The following SH3RF2 variants were observed in gnomAD, a reference collection of about 807,000 sequenced individuals.
SH3RF2 encodes the protein E3 ubiquitin-protein ligase SH3RF2.
Under a neutral mutation model 59.0 loss-of-function variants are expected in SH3RF2, and 43 were observed. The observed-to-expected ratio is 0.73, with a 90% CI of 0.57 to 0.94. SH3RF2 has a LOEUF of 0.94. Ranked by LOEUF, SH3RF2 falls within the 40% of genes least tolerant of loss-of-function variation. The pLI, the probability that SH3RF2 is intolerant of heterozygous loss-of-function variation, is 0.00. For missense variants in SH3RF2, 930 were observed against 940.1 expected, an observed-to-expected ratio of 0.99 and a Z score of 0.14; for synonymous variants, 391 against 391.5, an observed-to-expected ratio of 1.00 and a Z score of 0.01.
At chr5:146,018,895 A>AT (rs57422112) in intron 5 of SH3RF2, among the ~76,000 whole-genome samples, 138,582 of 152,118 alleles carry the variant, frequency 0.91, 64,567 homozygotes, top group East Asian at 1. Context: ...GATATTGAGC[A>AT]TTTTTATATG....
At chr5:145,945,636 C>T (rs1757981013) in intron 2 of SH3RF2, among the ~76,000 whole-genome samples, 1 of 152,024 alleles carries the variant, frequency 6.6e-6, no homozygotes, top group Non-Finnish European at 1.5e-5. Context: ...CAGGATAGGG[C>T]AGGGATATCT....
intron 5 of SH3RF2, among the ~76,000 whole-genome samples, chr5:146,035,409 C>G (rs1009540482): frequency 6.6e-6 from 1 of 151,856 alleles, no homozygotes; most frequent in Non-Finnish European, 1.5e-5. Flanking sequence ...GCCATCTCCC[C>G]TGAAGTGACA....
chr5:146,078,476 C>T (rs910963921), exon 10 of SH3RF2: 34 of 152,358 alleles, frequency 2.2e-4, no homozygotes, highest in African/African-American at 8.2e-4. Context: ...CCTTGGTCAT[C>T]TTCCCAGGAG....
At chr5:145,997,214 G>A (rs1313228660) in intron 2 of SH3RF2, 5 of 861,118 alleles carry the variant, frequency 5.8e-6, no homozygotes, top group Admixed American at 3.5e-5. Flanking sequence ...CACCCTGCTA[G>A]TAGATGGGAA....
intron 2 of SH3RF2, among the ~76,000 whole-genome samples, chr5:145,962,661 G>A (rs915289649): frequency 6.6e-6 from 1 of 151,906 alleles, no homozygotes; most frequent in Non-Finnish European, 1.5e-5. Context: ...TTTGCCTTAG[G>A]CCGTCCTTCT....
chr5:145,987,899 A>T (rs1759775554), intron 2 of SH3RF2, among the ~76,000 whole-genome samples: 1 of 152,220 alleles, frequency 6.6e-6, no homozygotes, highest in South Asian at 2.1e-4. Flanking sequence ...TGTTTATCAC[A>T]TTAATCGTCT....
chr5:146,004,097 T>C lies in SH3RF2; in HGVS notation c.688T>C (p.Trp230Arg). The C allele has an allele frequency of 2.5e-6, 4 of 1,613,238 alleles. No homozygotes were observed. The highest frequency in any genetic ancestry group is 3.4e-6 in the Non-Finnish European group (4 of 1,179,308). ...TGTGATCAGCCGAGTGGATGAGAAC[T>C]GGGCAGAAGGCAAGTTAGGAGATAA... The part of the protein sequence containing the change: ...ITVISRVDEN[W>R]AEGKLGDKVG... Residue 230 changes from tryptophan to arginine, a missense_variant, in exon 4 of 10, where the codon TGG (tryptophan) becomes CGG (arginine). Coordinates refer to ENST00000359120, the MANE Select transcript of SH3RF2 (RefSeq NM_152550.4).
chr5:145,969,760 A>C (rs1375458032), intron 2 of SH3RF2, among the ~76,000 whole-genome samples: 3 of 152,116 alleles, frequency 2.0e-5, no homozygotes, highest in Non-Finnish European at 4.4e-5. Flanking sequence ...AAAGTGTACA[A>C]ACAAATAAAT....
At chr5:146,035,823 A>C (rs1324687780) in intron 5 of SH3RF2, among the ~76,000 whole-genome samples, 2 of 152,146 alleles carry the variant, frequency 1.3e-5, no homozygotes, top group Non-Finnish European at 2.9e-5. Context: ...TGTCTGGGGA[A>C]TGTGAGGGCA....
chr5:145,985,348 A>G (rs1248109102), intron 2 of SH3RF2, among the ~76,000 whole-genome samples: 1 of 152,272 alleles, frequency 6.6e-6, no homozygotes, highest in South Asian at 2.1e-4. Flanking sequence ...TTAATTAAGT[A>G]AACCACTTGA....
chr5:146,046,767 CTT>C (rs56115378), intron 5 of SH3RF2, among the ~76,000 whole-genome samples: 8 of 145,026 alleles, frequency 5.5e-5, no homozygotes, highest in Admixed American at 6.9e-5. Flanking sequence ...TTTACAGGAA[CTT>C]TTTTTTTTTT....
chr5:145,939,970 AAGGAC>A (rs1241723230), intron 2 of SH3RF2, among the ~76,000 whole-genome samples: 3 of 152,150 alleles, frequency 2.0e-5, no homozygotes, highest in Non-Finnish European at 4.4e-5. Flanking sequence ...CTGTGTTGCA[AAGGAC>A]AGGTAGCGAT....
chr5:146,000,243 G>T lies in SH3RF2; in HGVS notation c.564G>T (p.Pro188=), dbSNP rs764573018. The change falls in exon 3 of 10, where the codon CCG becomes CCT. Residue 188 remains proline (P), a synonymous_variant. Transcript: ENST00000359120. ...AAGTCATCAAGCAGCTGCCCCAGCC[G>T]CCCCCGCTCTGCAGGGCCCTCTACA... ...SVEVIKQLPQ[P]PPLCRALYNF... 2 of 1,613,764 alleles carry T rather than the reference G, an allele frequency of 1.2e-6. No individual in the cohort carries two copies. Among genetic ancestry groups the T allele is most frequent in the Non-Finnish European group, 1.7e-6 (2 of 1,179,936 alleles).
At chr5:145,975,553 C>G (rs1221895733) in intron 2 of SH3RF2, among the ~76,000 whole-genome samples, 4 of 152,216 alleles carry the variant, frequency 2.6e-5, no homozygotes, top group African/African-American at 9.6e-5. Flanking sequence ...TGTCTGCACT[C>G]TTTGACTTGA....
At chr5:145,947,796 C>A (rs1253389137) in intron 2 of SH3RF2, among the ~76,000 whole-genome samples, 2 of 152,152 alleles carry the variant, frequency 1.3e-5, no homozygotes, top group Admixed American at 6.5e-5. Flanking sequence ...GGTAAAGTCC[C>A]TTTGCTTGGG....
chr5:146,011,006 G>A (rs1457869288), intron 4 of SH3RF2, among the ~76,000 whole-genome samples: 1 of 152,064 alleles, frequency 6.6e-6, no homozygotes, highest in Admixed American at 6.6e-5. Context: ...GGTTTTTATG[G>A]TTTTAGGTCT....
intron 5 of SH3RF2, among the ~76,000 whole-genome samples, chr5:146,024,277 A>G (rs948947743): frequency 3.9e-5 from 6 of 152,102 alleles, no homozygotes; most frequent in African/African-American, 1.2e-4. Context: ...CAGCCATCCA[A>G]TTGGGTGTGA....
At chr5:146,074,364 G>A (rs7725078) in intron 9 of SH3RF2, among the ~76,000 whole-genome samples, 47,181 of 151,706 alleles carry the variant, frequency 0.31, 7,565 homozygotes, top group Admixed American at 0.38. Flanking sequence ...TAGGAAGGAT[G>A]AACATAGGGA....
intron 8 of SH3RF2, among the ~76,000 whole-genome samples, chr5:146,059,271 A>G (rs1418045965): frequency 6.6e-6 from 1 of 152,100 alleles, no homozygotes. Flanking sequence ...GTGCTTGCCT[A>G]GCCCTTGCCA....
Sources: allele counts gnomAD v4.1 joint callset (sites outside exome capture counted in the v4.1 genomes callset), GRCh38; gene constraint gnomAD v4.1.1; transcripts MANE v1.5; gene names NCBI Gene and HGNC (gene_info 2026-07-23, HGNC 2026-07-21).